Variants in BBS4 observed in about 807,000 individuals in gnomAD.
BBS4 encodes the protein BBSome complex member BBS4.
Under a neutral mutation model 71.4 loss-of-function variants are expected in BBS4, and 58 were observed. The ratio of observed to expected loss-of-function variants is 0.81; its 90% CI spans 0.66 to 1.01. The LOEUF (loss-of-function observed/expected upper bound fraction) is 1.01, where lower values mean the gene tolerates loss of function less well. Among genes scored for constraint, BBS4 ranks in the 50% least tolerant of loss-of-function variants. The pLI, the probability that BBS4 is intolerant of heterozygous loss-of-function variation, is 0.00. For synonymous variants in BBS4, 228 were observed against 216.8 expected (o/e 1.05, Z -0.46); for missense variants, 660 against 607.9 (o/e 1.09, Z -0.90).
intron 8 of BBS4, among the ~76,000 whole-genome samples, chr15:72,725,794 T>TTCCCCCATCCCC (rs2065668626): frequency 5.4e-5 from 1 of 18,688 alleles, no homozygotes; most frequent in Non-Finnish European, 9.1e-5. Flanking sequence ...CCTCCTTCCC[T>TTCCCCCATCCCC]CTTCCCCCAT....
At chr15:72,691,695 G>A (rs938872565) in intron 1 of BBS4, among the ~76,000 whole-genome samples, 4 of 152,312 alleles carry the variant, frequency 2.6e-5, no homozygotes, top group African/African-American at 9.6e-5. Context: ...GCTGGGTGCA[G>A]TGGCTTACGC....
At chr15:72,703,321 C>G (rs895523714) in intron 2 of BBS4, among the ~76,000 whole-genome samples, 4 of 152,190 alleles carry the variant, frequency 2.6e-5, no homozygotes, top group Non-Finnish European at 5.9e-5. Context: ...TGTTGGGCCT[C>G]TCATTTCTTC....
intron 12 of BBS4, among the ~76,000 whole-genome samples, chr15:72,733,421 T>G (rs1207158589): frequency 2.0e-5 from 3 of 152,088 alleles, no homozygotes; most frequent in Non-Finnish European, 4.4e-5. Context: ...TACCCAATAG[T>G]TATTTTTTTC....
intron 1 of BBS4, among the ~76,000 whole-genome samples, chr15:72,694,687 G>A (rs2065044240): frequency 6.6e-6 from 1 of 152,164 alleles, no homozygotes; most frequent in African/African-American, 2.4e-5. Context: ...GTCATAGGAA[G>A]TTGAGAAAAG....
At chr15:72,690,313 TGAA>T (rs1259853493) in intron 1 of BBS4, among the ~76,000 whole-genome samples, 4 of 152,118 alleles carry the variant, frequency 2.6e-5, no homozygotes, top group African/African-American at 9.7e-5. Flanking sequence ...TATATAAAAA[TGAA>T]GAAATAACAG....
At chr15:72,695,371 T>C in intron 2 of BBS4, 143 bp downstream of exon 2, 1 of 551,366 alleles carries the variant, frequency 1.8e-6, no homozygotes, top group Non-Finnish European at 3.2e-6. Flanking sequence ...CACTGCAACC[T>C]TTGCCTCTGG....
intron 2 of BBS4, among the ~76,000 whole-genome samples, chr15:72,696,390 T>G (rs1251890494): frequency 6.6e-6 from 1 of 152,206 alleles, no homozygotes; most frequent in Admixed American, 6.5e-5. Context: ...TTCCCTTTTT[T>G]TAGTACAAAT....
intron 6 of BBS4, among the ~76,000 whole-genome samples, chr15:72,722,264 C>G (rs1352739700): frequency 6.6e-6 from 1 of 152,208 alleles, no homozygotes; most frequent in East Asian, 1.9e-4. Context: ...ACAGCAGACT[C>G]CAGGTGGCGC....
Position 72,702,802 on chromosome 15 carries a change from C to CTTTTTTTTTTTTTTTTTT in BBS4, c.77-6892_77-6875dup, listed in dbSNP as rs59816410. Among the ~76,000 whole-genome samples, 82 of 73,484 alleles carry CTTTTTTTTTTTTTTTTTT rather than the reference C, an allele frequency of 1.1e-3. 9 individuals carry two copies. The East Asian group carries it at 0.013, about 12-fold the overall frequency. The allele number at this position is 73,484 out of a possible 152,430, so 48.2% of individuals were successfully genotyped here. A position where few individuals can be genotyped will look rare whatever the true frequency, so the allele number is the denominator to read the frequency against. ...TTTTTGGTATAGTGAGGAGCTGACT[C>CTTTTTTTTTTTTTTTTTT]TTTTTTTTTTTTTTTTTTTTTTTGA... On this transcript the variant is annotated intron_variant, in intron 2 of 15. Transcript: ENST00000268057.
At chr15:72,686,437 C>T (rs1347114937) in intron 1 of BBS4, 186 bp downstream of exon 1, 5 of 1,533,268 alleles carry the variant, frequency 3.3e-6, no homozygotes, top group Non-Finnish European at 4.4e-6. Context: ...AGTCTGGATA[C>T]TTAGCAGCAC....
chr15:72,693,020 T>TA (rs1484489107), intron 1 of BBS4, among the ~76,000 whole-genome samples: 3 of 152,214 alleles, frequency 2.0e-5, no homozygotes, highest in Non-Finnish European at 4.4e-5. Context: ...CCTTGGAAGT[T>TA]ATACTTTGCC....
chr15:72,699,119 C>T (rs1366282085), intron 2 of BBS4, among the ~76,000 whole-genome samples: 1 of 152,058 alleles, frequency 6.6e-6, no homozygotes, highest in African/African-American at 2.4e-5. Flanking sequence ...CTCCACCGCT[C>T]CACTGATTAA....
At chr15:72,698,123 A>T in intron 2 of BBS4, 1 of 446,800 alleles carries the variant, frequency 2.2e-6, no homozygotes, top group Non-Finnish European at 4.5e-6. Context: ...GGGTGGCCAT[A>T]GCTGAGGATG....
At position 72,724,646 on chromosome 15, in the gene BBS4, A is replaced by G. The variant is rs2065635072; in HGVS notation, c.578A>G (p.Lys193Arg). ...DLDKAIEVYK[K>R]AVEFSPENTE... ...GACAAGGCCATTGAAGTCTACAAGA[A>G]AGCAGTGGAGTAAGTGTATCTGTTT... Residue 193 changes from lysine (K) to arginine (R), a missense_variant, in exon 8 of 16, where the codon AAA (lysine) becomes AGA (arginine). Coordinates refer to ENST00000268057, the MANE Select transcript of BBS4 (RefSeq NM_033028.5). 5.6e-6 allele frequency: 9 copies of G among 1,613,998 alleles called. No homozygotes were observed. Among genetic ancestry groups the G allele is most frequent in the Non-Finnish European group, 7.6e-6 (9 of 1,179,892 alleles).
intron 7 of BBS4, among the ~76,000 whole-genome samples, chr15:72,724,083 G>A (rs2065624266): frequency 6.6e-6 from 1 of 152,114 alleles, no homozygotes; most frequent in South Asian, 2.1e-4. Context: ...CAAGCAGTTG[G>A]GTGAATAAAT....
chr15:72,703,653 G>A (rs2065215126), intron 2 of BBS4, among the ~76,000 whole-genome samples: 1 of 152,096 alleles, frequency 6.6e-6, no homozygotes, highest in African/African-American at 2.4e-5. Flanking sequence ...ATAGAAGGCT[G>A]GTATTGAATC....
At chr15:72,731,504 T>C in intron 11 of BBS4, 47 bp downstream of exon 11, 2 of 1,614,214 alleles carry the variant, frequency 1.2e-6, no homozygotes, top group East Asian at 2.2e-5. Flanking sequence ...CATGTGGTTA[T>C]TGGGTCTGTT....
At position 72,709,778 on chromosome 15, in the gene BBS4, A is replaced by G; in HGVS notation, c.155A>G (p.Lys52Arg). 1.9e-6 allele frequency: 3 copies of G among 1,612,064 alleles called. No individual in the cohort carries two copies. Among genetic ancestry groups the G allele is most frequent in the Non-Finnish European group, 2.5e-6 (3 of 1,178,434 alleles). The change falls in exon 3 of 16, where the codon AAG (lysine) becomes AGG (arginine). Residue 52 changes from lysine to arginine, a missense_variant and splice_region_variant. Physicochemically the swap from Lys to Arg is conservative, Grantham distance 26. Coordinates refer to ENST00000268057, the MANE Select transcript of BBS4 (RefSeq NM_033028.5). ...HYIRKDYEACKAVIKEQLQET... is the reference protein window; with the variant it reads ...HYIRKDYEACRAVIKEQLQET... ...ATCCGGAAAGATTATGAAGCCTGCA[A>G]GGTAAGAGATTGCCATAATAATAAA...
chr15:72,695,566 C>T (rs764935924), intron 2 of BBS4, among the ~76,000 whole-genome samples: 15 of 152,286 alleles, frequency 9.8e-5, no homozygotes, highest in South Asian at 2.1e-4. Flanking sequence ...GGATTACAGG[C>T]GTGAGCCGCC....
Sources: allele counts gnomAD v4.1 joint callset (sites outside exome capture counted in the v4.1 genomes callset), GRCh38; gene constraint gnomAD v4.1.1; transcripts MANE v1.5; gene names NCBI Gene and HGNC (gene_info 2026-07-23, HGNC 2026-07-21).